Variants in CTNNA2 observed in about 807,000 individuals in gnomAD.
CTNNA2 encodes catenin alpha 2.
CTNNA2 carries 42 observed loss-of-function variants against 101.0 expected under a neutral mutation model. The ratio of observed to expected loss-of-function variants is 0.42; its 90% CI spans 0.32 to 0.54. CTNNA2 has a LOEUF of 0.54. Ranked by LOEUF, CTNNA2 falls within the 20% of genes least tolerant of loss-of-function variation. The pLI is 0.14. For synonymous variants in CTNNA2, 450 were observed against 456.4 expected (o/e 0.99, Z 0.18); for missense variants, 871 against 1,223.1 (o/e 0.71, Z 4.29).
intron 3 of CTNNA2, among the ~76,000 whole-genome samples, chr2:79,321,004 G>C (rs1676610238): frequency 6.6e-6 from 1 of 152,124 alleles, no homozygotes; most frequent in Non-Finnish European, 1.5e-5. Context: ...TAGGATCTTA[G>C]AGTATCTCAA....
intron 7 of CTNNA2, among the ~76,000 whole-genome samples, chr2:80,301,230 A>C (rs2149204183): frequency 6.6e-6 from 1 of 152,292 alleles, no homozygotes; most frequent in African/African-American, 2.4e-5. Context: ...TGGGAGCCTA[A>C]GCTTGCTGCA....
chr2:80,382,833 C>T (rs559074997), intron 7 of CTNNA2, among the ~76,000 whole-genome samples: 15 of 152,282 alleles, frequency 9.9e-5, no homozygotes, highest in Non-Finnish European at 1.9e-4. Flanking sequence ...AAAGCTTTAA[C>T]AGTAGCTGAG....
At chr2:80,397,648 G>A (rs905513506) in intron 8 of CTNNA2, among the ~76,000 whole-genome samples, 3 of 152,144 alleles carry the variant, frequency 2.0e-5, no homozygotes, top group Admixed American at 6.5e-5. Flanking sequence ...AGGGTTGTGC[G>A]GCCTCCCCAA....
chr2:79,605,461 A>G (rs1677823254), intron 1 of CTNNA2, among the ~76,000 whole-genome samples: 1 of 152,216 alleles, frequency 6.6e-6, no homozygotes, highest in Non-Finnish European at 1.5e-5. Context: ...AACTGAGCAT[A>G]AGAAACATAA....
At chr2:79,645,164 G>A (rs1016408617) in intron 1 of CTNNA2, among the ~76,000 whole-genome samples, 1 of 151,760 alleles carries the variant, frequency 6.6e-6, no homozygotes, top group Non-Finnish European at 1.5e-5. Context: ...TGTATTTTTT[G>A]TTGTAGAGAT....
chr2:79,814,304 G>A (rs1677290802), intron 3 of CTNNA2, among the ~76,000 whole-genome samples: 2 of 152,216 alleles, frequency 1.3e-5, no homozygotes. Flanking sequence ...ATTCTTTAGT[G>A]GTGATTTGTG....
chr2:79,805,104 T>C (rs1037807673), intron 3 of CTNNA2, among the ~76,000 whole-genome samples: 8 of 152,130 alleles, frequency 5.3e-5, no homozygotes, highest in African/African-American at 1.9e-4. Context: ...GAAGGATAAG[T>C]TGTAGCTAGG....
chr2:79,946,717 A>G (rs1308042775), intron 7 of CTNNA2, among the ~76,000 whole-genome samples: 1 of 152,196 alleles, frequency 6.6e-6, no homozygotes, highest in Non-Finnish European at 1.5e-5. Context: ...ACAGTGGGCT[A>G]CCTGATATGT....
At position 80,194,855 on chromosome 2, in the gene CTNNA2, G is replaced by A. The variant is rs548962737; in HGVS notation, c.1057-198356G>A. ...TTTATGTATGTGTGTGTGTGTATGT[G>A]TGTATATATATACACACAGGCTTTA... On this transcript the variant is annotated intron_variant, in intron 7 of 18. Transcript: ENST00000402739. Among the ~76,000 whole-genome samples, 35 of 151,602 alleles carry A rather than the reference G, an allele frequency of 2.3e-4. No individual in the cohort carries two copies. In the South Asian group the frequency reaches 7.1e-3, roughly 31 times the overall value.
chr2:79,454,574 A>T (rs1183357338), intron 4 of CTNNA2, among the ~76,000 whole-genome samples: 1 of 152,184 alleles, frequency 6.6e-6, no homozygotes, highest in African/African-American at 2.4e-5. Context: ...CTCAAAACAT[A>T]AAGTCTCAAA....
At chr2:80,190,216 A>G (rs535694226) in intron 7 of CTNNA2, among the ~76,000 whole-genome samples, 16 of 152,042 alleles carry the variant, frequency 1.1e-4, no homozygotes, top group African/African-American at 2.9e-4. Flanking sequence ...AGCAAATGTG[A>G]CATGGGGTTT....
chr2:80,397,167 G>A (rs72914903), intron 8 of CTNNA2, among the ~76,000 whole-genome samples: 6,581 of 152,160 alleles, frequency 0.043, 496 homozygotes, highest in African/African-American at 0.15. Context: ...AATTCCTTAT[G>A]TACAAACTCT....
intron 18 of CTNNA2, among the ~76,000 whole-genome samples, chr2:80,635,548 G>A (rs1439562167): frequency 1.3e-5 from 2 of 152,160 alleles, no homozygotes; most frequent in East Asian, 1.9e-4. Flanking sequence ...TCAATTTTCT[G>A]TGCTATAGTT....
At chr2:79,371,161 C>T (rs973722328) in intron 3 of CTNNA2, among the ~76,000 whole-genome samples, 3 of 151,948 alleles carry the variant, frequency 2.0e-5, no homozygotes, top group African/African-American at 7.3e-5. Flanking sequence ...GGGTCTGGTG[C>T]CTTCTCTTGG....
At chr2:80,435,929 A>G (rs76566361) in intron 9 of CTNNA2, among the ~76,000 whole-genome samples, 2,566 of 152,170 alleles carry the variant, frequency 0.017, 53 homozygotes, top group African/African-American at 0.058. Context: ...CTGAGCCTTA[A>G]CTCCTGCAAT....
chr2:80,502,327 G>A lies in CTNNA2; in HGVS notation c.1291-42655G>A, dbSNP rs372906139. Among the ~76,000 whole-genome samples, 7 of 152,004 alleles carry A rather than the reference G, an allele frequency of 4.6e-5. No homozygotes were observed. The East Asian group carries it at 1.2e-3, about 25-fold the overall frequency. Reference sequence around the variant, plus strand: ...TTAACCTAATTTCAAATGATTCCTGGCAACAGAGAAATACTTATGGTATGC... The same window carrying A: ...TTAACCTAATTTCAAATGATTCCTGACAACAGAGAAATACTTATGGTATGC... On this transcript the variant is annotated intron_variant, in intron 9 of 18. Transcript: ENST00000402739.
At chr2:80,453,495 T>C (rs1683701557) in intron 9 of CTNNA2, among the ~76,000 whole-genome samples, 1 of 152,154 alleles carries the variant, frequency 6.6e-6, no homozygotes, top group South Asian at 2.1e-4. Flanking sequence ...TAGCAACAGC[T>C]TCATGGTTAG....
In CTNNA2 at chr2:80,422,203, C is replaced by G. The variant is rs543975880; in HGVS notation, c.1290+2602C>G. Among the ~76,000 whole-genome samples, 3 of 152,294 alleles carry G rather than the reference C, an allele frequency of 2.0e-5. No individual in the cohort carries two copies. In the South Asian group the frequency reaches 6.2e-4, roughly 32 times the overall value. On this transcript the variant is annotated intron_variant, in intron 9 of 18. Coordinates refer to ENST00000402739, the MANE Select transcript of CTNNA2 (RefSeq NM_001282597.3). Reference sequence around the variant, plus strand: ...AAAGGAAGAGGAAAGACACATCTTACATGGCAGCAGGCAAGAGAACTTGTA... The same window carrying G: ...AAAGGAAGAGGAAAGACACATCTTAGATGGCAGCAGGCAAGAGAACTTGTA...
intron 7 of CTNNA2, among the ~76,000 whole-genome samples, chr2:80,008,298 C>A (rs1420983016): frequency 6.6e-6 from 1 of 152,268 alleles, no homozygotes; most frequent in East Asian, 1.9e-4. Context: ...CGCAGTCACC[C>A]CACTGTGCTC....
Sources: allele counts gnomAD v4.1 joint callset (sites outside exome capture counted in the v4.1 genomes callset), GRCh38; gene constraint gnomAD v4.1.1; transcripts MANE v1.5; gene names NCBI Gene and HGNC (gene_info 2026-07-23, HGNC 2026-07-21).